ILDR1: variants seen among roughly 807,000 people sequenced by gnomAD.
ILDR1 encodes immunoglobulin-like domain-containing receptor 1.
ILDR1 carries 56 observed loss-of-function variants against 62.4 expected under a neutral mutation model. The ratio of observed to expected loss-of-function variants is 0.90; its 90% CI spans 0.72 to 1.12. The LOEUF is 1.12. Ranked by LOEUF, ILDR1 falls within the 50% of genes most tolerant of loss-of-function variation. The pLI, the probability that ILDR1 is intolerant of heterozygous loss-of-function variation, is 0.00. For missense variants in ILDR1, 736 were observed against 710.6 expected, an observed-to-expected ratio of 1.04 and a Z score of -0.41; for synonymous variants, 284 against 277.8, an observed-to-expected ratio of 1.02 and a Z score of -0.22.
chr3:122,031,365 A>C, the ILDR1 span, among the ~76,000 whole-genome samples: 1 of 152,218 alleles, frequency 6.6e-6, no homozygotes. Flanking sequence ...ATGATCCAGA[A>C]GTTCTTTTCA....
the ILDR1 span, among the ~76,000 whole-genome samples, chr3:122,041,169 C>T: frequency 6.6e-6 from 1 of 152,118 alleles, no homozygotes; most frequent in Non-Finnish European, 1.5e-5. Context: ...ATGTATCCCC[C>T]CAAAAGCCAG....
the ILDR1 span, among the ~76,000 whole-genome samples, chr3:122,035,453 G>A: frequency 5.3e-5 from 8 of 152,080 alleles, no homozygotes; most frequent in East Asian, 3.8e-4. Flanking sequence ...CCAAAAAAAA[G>A]ACACCTTATA....
chr3:121,990,218 C>T (rs1044518137), intron 7 of ILDR1, among the ~76,000 whole-genome samples: 2 of 152,172 alleles, frequency 1.3e-5, no homozygotes, highest in African/African-American at 2.4e-5. Flanking sequence ...AGACTTTGGC[C>T]CTGCAGACTT....
chr3:122,023,167 T>C (rs2071889887), upstream of ILDR1, among the ~76,000 whole-genome samples: 1 of 151,572 alleles, frequency 6.6e-6, no homozygotes, highest in Admixed American at 6.6e-5. Context: ...TATTTTTTCT[T>C]ATAAAAATAT....
chr3:122,038,674 G>T, the ILDR1 span, among the ~76,000 whole-genome samples: 4 of 152,098 alleles, frequency 2.6e-5, no homozygotes, highest in Non-Finnish European at 5.9e-5. Flanking sequence ...ATATAACAAA[G>T]ATGTTGGAAT....
At chr3:121,992,084 A>C (rs1056809296) in intron 7 of ILDR1, among the ~76,000 whole-genome samples, 1 of 152,228 alleles carries the variant, frequency 6.6e-6, no homozygotes, top group Non-Finnish European at 1.5e-5. Context: ...CAATGGCAAC[A>C]TATCTTTGCA....
At chr3:122,001,665 T>TG (rs1159455950) in intron 4 of ILDR1, 80 bp downstream of exon 4, 82 of 1,537,208 alleles carry the variant, frequency 5.3e-5, no homozygotes, top group Non-Finnish European at 7.1e-5. Context: ...TGCTTATTTC[T>TG]GGTTTTTTTT....
the ILDR1 span, among the ~76,000 whole-genome samples, chr3:122,054,190 T>G: frequency 1.3e-5 from 2 of 152,240 alleles, no homozygotes; most frequent in Non-Finnish European, 1.5e-5. Context: ...AATCTACTTC[T>G]AATAAGTTTT....
chr3:121,993,988 C>A lies in ILDR1; in HGVS notation c.779-18G>T, dbSNP rs200573278. 1.2e-6 allele frequency: 2 copies of A among 1,602,576 alleles called. No individual in the cohort carries two copies. Among genetic ancestry groups the A allele is most frequent in the African/African-American group, 2.7e-5 (2 of 74,934 alleles). ...GGACAAATCTGAATGGAAACAAGGA[C>A]AGGACAATAGAACAAATGGCCCAAA... On this transcript the variant is annotated intron_variant, in intron 6 of 7. Coordinates refer to ENST00000344209, the MANE Select transcript of ILDR1 (RefSeq NM_001199799.2).
chr3:122,008,337 A>T (rs1410215739), intron 1 of ILDR1, among the ~76,000 whole-genome samples: 1 of 152,220 alleles, frequency 6.6e-6, no homozygotes, highest in Non-Finnish European at 1.5e-5. Flanking sequence ...ACTTTGGCAC[A>T]GTCAGGGGTC....
the ILDR1 span, among the ~76,000 whole-genome samples, chr3:122,051,617 C>T: frequency 1.3e-5 from 2 of 152,086 alleles, no homozygotes; most frequent in South Asian, 2.1e-4. Context: ...TCTTTAGGAT[C>T]TGTTTCTGGA....
chr3:122,044,752 T>C, the ILDR1 span, among the ~76,000 whole-genome samples: 1 of 152,094 alleles, frequency 6.6e-6, no homozygotes, highest in Admixed American at 6.5e-5. Flanking sequence ...TTCTGTGGGA[T>C]TGGTGGTGAT....
At chr3:122,023,978 G>A (rs953648040), upstream of ILDR1, among the ~76,000 whole-genome samples, 3 of 151,966 alleles carry the variant, frequency 2.0e-5, no homozygotes, top group Non-Finnish European at 4.4e-5. Flanking sequence ...CTCAATTCCA[G>A]TCTAAAAAGA....
At chr3:122,022,682 C>T (rs1424587203), upstream of ILDR1, among the ~76,000 whole-genome samples, 4 of 152,092 alleles carry the variant, frequency 2.6e-5, no homozygotes, top group African/African-American at 9.7e-5. Flanking sequence ...TTTGGGAGGC[C>T]GAGGCGGGTG....
At chr3:122,005,759 CAT>C (rs2071598781) in intron 2 of ILDR1, among the ~76,000 whole-genome samples, 1 of 152,006 alleles carries the variant, frequency 6.6e-6, no homozygotes, top group South Asian at 2.1e-4. Context: ...GCCCTTAAAA[CAT>C]AAGGTCACAT....
At chr3:122,007,329 G>T in intron 1 of ILDR1, 168 bp from the exon 2 acceptor site, 6 of 1,503,034 alleles carry the variant, frequency 4.0e-6, no homozygotes, top group Non-Finnish European at 5.4e-6. Context: ...TGGGTGGGGT[G>T]GGGTGAGAAC....
At position 122,005,251 on chromosome 3, in the gene ILDR1, G is replaced by A; in HGVS notation, c.372C>T (p.Ile124=). 6.2e-7 allele frequency: 1 copy of A among 1,611,614 alleles called. No homozygotes were observed. Among genetic ancestry groups the A allele is most frequent in the Non-Finnish European group, 8.5e-7 (1 of 1,178,184 alleles). Residue 124 remains isoleucine (I), a synonymous_variant, in exon 3 of 8, where the codon ATC becomes ATT. Transcript: ENST00000344209. ...GVDYRQRKIT[I]QNRADLVINE... Reference sequence around the variant, plus strand: ...CACCTCCCCCGCACTCACGGTTCTGGATGGTGATCTTGCGCTGCCGGTAAT... The same window carrying A: ...CACCTCCCCCGCACTCACGGTTCTGAATGGTGATCTTGCGCTGCCGGTAAT...
the ILDR1 span, among the ~76,000 whole-genome samples, chr3:122,037,732 T>C: frequency 6.6e-6 from 1 of 152,194 alleles, no homozygotes; most frequent in Non-Finnish European, 1.5e-5. Context: ...GAGAAGAACA[T>C]GAGATTTTGG....
the ILDR1 span, among the ~76,000 whole-genome samples, chr3:122,033,693 T>C: frequency 6.6e-6 from 1 of 152,196 alleles, no homozygotes; most frequent in Non-Finnish European, 1.5e-5. Flanking sequence ...GTTTAATTAT[T>C]GTTTCTCTTA....
Sources: allele counts gnomAD v4.1 joint callset (sites outside exome capture counted in the v4.1 genomes callset), GRCh38; gene constraint gnomAD v4.1.1; transcripts MANE v1.5; gene names NCBI Gene and HGNC (gene_info 2026-07-23, HGNC 2026-07-21).